ABCC1: variants seen among roughly 807,000 people sequenced by gnomAD.
ABCC1 encodes the protein ATP binding cassette subfamily C member 1 (ABCC1 blood group), also known as multidrug resistance-associated protein 1.
In ABCC1, 83 loss-of-function variants were observed where a neutral mutation model predicts 172.9. The ratio of observed to expected loss-of-function variants is 0.48; its 90% CI spans 0.40 to 0.58. ABCC1 has a LOEUF of 0.58. Among genes scored for constraint, ABCC1 ranks in the 20% least tolerant of loss-of-function variants. The pLI, the probability that ABCC1 is intolerant of heterozygous loss-of-function variation, is 0.00. For missense variants in ABCC1, 1,817 were observed against 2,002.7 expected (o/e 0.91, Z 1.77); for synonymous variants, 937 against 825.2 (o/e 1.14, Z -2.32).
intron 12 of ABCC1, among the ~76,000 whole-genome samples, chr16:16,061,029 A>G (rs936180024): frequency 9.2e-5 from 14 of 151,934 alleles, no homozygotes; most frequent in Non-Finnish European, 1.6e-4. Flanking sequence ...GGTTCAAGCA[A>G]TTCTCCTGCC....
At chr16:16,021,876 C>A (rs763245636) in intron 5 of ABCC1, among the ~76,000 whole-genome samples, 1 of 152,176 alleles carries the variant, frequency 6.6e-6, no homozygotes, top group Non-Finnish European at 1.5e-5. Context: ...GGGACGTCAG[C>A]AGCCCCTTCT....
In ABCC1 at chr16:16,056,133, G is replaced by A. The variant is rs1484362071; in HGVS notation, c.1515G>A (p.Met505Ile). ...GCAAAGACAATCGGATCAAGCTGAT[G>A]AACGAAATTCTCAATGGGATCAAAG... is the stretch of plus-strand genomic sequence containing the variant. ...MKSKDNRIKL[M>I]NEILNGIKVL... Residue 505 changes from methionine (M) to isoleucine (I), a missense_variant, in exon 12 of 31, where the codon ATG (methionine) becomes ATA (isoleucine). Around this residue, in one of 3 missense-constraint regions of ABCC1, gnomAD observed 1,412 missense variants for 1,600.3 expected, o/e 0.88. Transcript: ENST00000399410. 2 of 1,614,006 alleles carry A rather than the reference G, an allele frequency of 1.2e-6. No homozygotes were observed. The highest frequency in any genetic ancestry group is 1.7e-6 in the Non-Finnish European group (2 of 1,180,018).
chr16:16,122,695 A>G (rs968400098), intron 24 of ABCC1, among the ~76,000 whole-genome samples: 1 of 149,060 alleles, frequency 6.7e-6, no homozygotes, highest in East Asian at 2.0e-4. Flanking sequence ...CAACATAGCA[A>G]GACCCCCATC....
At chr16:16,092,217 A>G (rs1193079770) in intron 19 of ABCC1, among the ~76,000 whole-genome samples, 1 of 152,226 alleles carries the variant, frequency 6.6e-6, no homozygotes, top group Non-Finnish European at 1.5e-5. Context: ...CAGCTTGGGC[A>G]ACAGAGCAAG....
At chr16:15,950,514 A>G (rs1238452462) in intron 1 of ABCC1, among the ~76,000 whole-genome samples, 1 of 151,974 alleles carries the variant, frequency 6.6e-6, no homozygotes. Flanking sequence ...TCCCTGCAAC[A>G]CGTGGAGCTC....
At chr16:15,999,836 C>CTCTCTCTTTCTTTCTTTCTT (rs2047218021) in intron 1 of ABCC1, among the ~76,000 whole-genome samples, 1 of 16,826 alleles carries the variant, frequency 5.9e-5, no homozygotes, top group East Asian at 9.4e-4. Context: ...CTCTCTCTGT[C>CTCTCTCTTTCTTTCTTTCTT]TCTTTCTTTC....
intron 11 of ABCC1, among the ~76,000 whole-genome samples, chr16:16,055,113 C>G (rs1454465335): frequency 6.6e-6 from 1 of 151,988 alleles, no homozygotes; most frequent in Non-Finnish European, 1.5e-5. Flanking sequence ...GCCTGTGGTC[C>G]CAGATACTAA....
intron 21 of ABCC1, among the ~76,000 whole-genome samples, chr16:16,107,890 C>CA (rs34292394): frequency 0.12 from 16,654 of 141,350 alleles, 999 homozygotes; most frequent in Middle Eastern, 0.25. Context: ...TAAAGAAAAA[C>CA]AAAAAAAAAA....
chr16:16,073,882 A>C (rs1301059630), intron 14 of ABCC1, among the ~76,000 whole-genome samples: 2 of 152,208 alleles, frequency 1.3e-5, no homozygotes, highest in African/African-American at 4.8e-5. Flanking sequence ...CAGAAGATTG[A>C]ATGTGTGTAA....
intron 23 of ABCC1, among the ~76,000 whole-genome samples, chr16:16,118,683 A>C (rs1180124499): frequency 6.6e-6 from 1 of 151,996 alleles, no homozygotes; most frequent in African/African-American, 2.4e-5. Context: ...TGATTTTAGC[A>C]AAGGACCAAG....
At chr16:16,117,859 T>C (rs61380786) in intron 23 of ABCC1, among the ~76,000 whole-genome samples, 15,926 of 152,082 alleles carry the variant, frequency 0.1, 1,268 homozygotes, top group East Asian at 0.22. Flanking sequence ...TGAGCCAAGA[T>C]TGCATCACTG....
At chr16:16,012,117 T>C (rs2047807470) in intron 3 of ABCC1, among the ~76,000 whole-genome samples, 1 of 152,182 alleles carries the variant, frequency 6.6e-6, no homozygotes, top group Non-Finnish European at 1.5e-5. Flanking sequence ...CATGATTCTA[T>C]ATAGCACACA....
At chr16:15,992,295 T>C (rs907206295) in intron 1 of ABCC1, among the ~76,000 whole-genome samples, 4 of 152,096 alleles carry the variant, frequency 2.6e-5, no homozygotes, top group African/African-American at 9.7e-5. Context: ...AATGTAATCA[T>C]AGAAATAAAG....
At chr16:16,072,914 C>T (rs1252957048) in intron 14 of ABCC1, among the ~76,000 whole-genome samples, 1 of 151,542 alleles carries the variant, frequency 6.6e-6, no homozygotes, top group African/African-American at 2.4e-5. Flanking sequence ...TGGTGTTGGG[C>T]ACCTGTAATC....
intron 1 of ABCC1, among the ~76,000 whole-genome samples, chr16:15,990,115 T>C (rs1379968620): frequency 6.6e-6 from 1 of 151,950 alleles, no homozygotes; most frequent in Non-Finnish European, 1.5e-5. Context: ...AGTACAGTGG[T>C]GCGATCTCAG....
chr16:16,100,759 T>C (rs1384162336), intron 19 of ABCC1, among the ~76,000 whole-genome samples: 1 of 152,228 alleles, frequency 6.6e-6, no homozygotes, highest in Admixed American at 6.5e-5. Context: ...AGGCACTGCG[T>C]GCAGTCTCGT....
At chr16:16,120,087 G>T (rs1001449093) in intron 23 of ABCC1, among the ~76,000 whole-genome samples, 1 of 152,040 alleles carries the variant, frequency 6.6e-6, no homozygotes. Context: ...TGCAATTAAC[G>T]CCCGTGCCGC....
chr16:16,011,063 G>A (rs1361061130), intron 3 of ABCC1, among the ~76,000 whole-genome samples: 5 of 152,030 alleles, frequency 3.3e-5, no homozygotes, highest in South Asian at 2.1e-4. Context: ...GCAAAACCCC[G>A]TCTCTACTAA....
At chr16:15,999,836 CTCTTTCTT>C (rs375541317) in intron 1 of ABCC1, among the ~76,000 whole-genome samples, 8 of 16,852 alleles carry the variant, frequency 4.7e-4, no homozygotes, top group Admixed American at 1.7e-3. Context: ...CTCTCTCTGT[CTCTTTCTT>C]TCTTTCTTTC....
Sources: allele counts gnomAD v4.1 joint callset (sites outside exome capture counted in the v4.1 genomes callset), GRCh38; gene constraint gnomAD v4.1.1; regional missense constraint gnomAD v4.1.1; transcripts MANE v1.5; gene names NCBI Gene and HGNC (gene_info 2026-07-23, HGNC 2026-07-21).